The following ZSCAN25 variants were observed in gnomAD, a reference collection of about 807,000 sequenced individuals.
The protein encoded by ZSCAN25 is zinc finger and SCAN domain containing 25, also known as zinc finger and SCAN domain-containing protein 25.
In ZSCAN25, 27 loss-of-function variants were observed where a neutral mutation model predicts 38.7. That is an observed-to-expected ratio of 0.70 (90% CI 0.51 to 0.96). ZSCAN25 has a LOEUF of 0.96. Among genes scored for constraint, ZSCAN25 ranks in the 40% least tolerant of loss-of-function variants. The probability of loss-of-function intolerance (pLI) is 0.00; values close to 1 mark genes in which losing one functional copy is unlikely to be tolerated. For missense variants in ZSCAN25, 637 were observed against 705.9 expected (o/e 0.90, Z 1.11); for synonymous variants, 273 against 277.7 (o/e 0.98, Z 0.17).
chr7:99,688,732 C>A, the ZSCAN25 span, among the ~76,000 whole-genome samples: 1 of 152,060 alleles, frequency 6.6e-6, no homozygotes, highest in Non-Finnish European at 1.5e-5. Flanking sequence ...TTTTTCAGCA[C>A]CACACCTATT....
At chr7:99,722,876 T>C in the ZSCAN25 span, among the ~76,000 whole-genome samples, 1 of 152,178 alleles carries the variant, frequency 6.6e-6, no homozygotes, top group East Asian at 1.9e-4. Context: ...GTGAGGCATG[T>C]TTGTTGAGTG....
At chr7:99,647,281 C>T in the ZSCAN25 span, among the ~76,000 whole-genome samples, 6 of 152,224 alleles carry the variant, frequency 3.9e-5, no homozygotes, top group East Asian at 1.2e-3. Context: ...CCCCAGCACA[C>T]TTGGAATCTG....
At chr7:99,737,727 T>G in the ZSCAN25 span, among the ~76,000 whole-genome samples, 1 of 152,188 alleles carries the variant, frequency 6.6e-6, no homozygotes, top group Non-Finnish European at 1.5e-5. Context: ...CCTACAAACT[T>G]CAGGAGGTGG....
rs368080673 is a variant in ZSCAN25 at position 99,629,377 on chromosome 7, C to A, written c.992C>A (p.Ala331Asp). 1.9e-6 allele frequency: 3 copies of A among 1,614,100 alleles called. No homozygotes were observed. The African/African-American group carries it at 4.0e-5, about 22-fold the overall frequency. The change falls in exon 8 of 8, where the codon GCC (alanine) becomes GAC (aspartate). Residue 331 changes from alanine to aspartate, a missense_variant. Coordinates refer to ENST00000394152, the MANE Select transcript of ZSCAN25 (RefSeq NM_145115.3). This position sits in a 1 kb window ranked among gnomAD's most constrained non-coding sequence, Gnocchi z 5.6. The stretch of plus-strand genomic sequence containing the variant: ...GGGCTTCCTCCTCCCCAGCACGGTG[C>A]CATCCCCCTGCCTGACGAAGTCAAA... ...APGLPPPQHG[A>D]IPLPDEVKTH...
At chr7:99,701,896 G>A in the ZSCAN25 span, among the ~76,000 whole-genome samples, 30 of 151,126 alleles carry the variant, frequency 2.0e-4, no homozygotes, top group Admixed American at 1.6e-3. Flanking sequence ...TGTGGTTTGC[G>A]TCTTCACTTT....
At chr7:99,722,714 A>C in the ZSCAN25 span, among the ~76,000 whole-genome samples, 1 of 152,214 alleles carries the variant, frequency 6.6e-6, no homozygotes, top group Non-Finnish European at 1.5e-5. Flanking sequence ...GGCTGAGGGA[A>C]TGTGAGTGAG....
the ZSCAN25 span, chr7:99,665,453 C>A: frequency 7.9e-7 from 1 of 1,258,984 alleles, no homozygotes; most frequent in South Asian, 1.3e-5. Flanking sequence ...GAATCATCTT[C>A]CATCTACTCC....
the ZSCAN25 span, chr7:99,705,726 A>T: frequency 8.8e-7 from 1 of 1,131,658 alleles, no homozygotes; most frequent in Admixed American, 2.2e-5. Context: ...AGCACTATAA[A>T]TCTTGGATTC....
the ZSCAN25 span, chr7:99,674,608 A>G: frequency 6.2e-7 from 1 of 1,602,242 alleles, no homozygotes; most frequent in South Asian, 1.1e-5. Flanking sequence ...ACAAAATACA[A>G]GTTGATTATT....
Position 99,631,274 on chromosome 7 carries a change from C to T in ZSCAN25, c.*1254C>T. The T allele has an allele frequency of 1.0e-6, 1 of 985,380 alleles. No individual in the cohort carries two copies. The highest frequency in any genetic ancestry group is 1.2e-6 in the Non-Finnish European group (1 of 829,930). 61.0% of individuals were successfully genotyped at this position (985,380 alleles called of 1,614,324 possible). On this transcript the variant is annotated 3_prime_UTR_variant, in exon 8 of 8. Coordinates refer to ENST00000394152, the MANE Select transcript of ZSCAN25 (RefSeq NM_145115.3). ...TCCAAGGCACTAGGGGTCCTGGACACCCACTGGGGATGATGAGCTGGTAGC... is the reference window on the plus strand; with the variant it reads ...TCCAAGGCACTAGGGGTCCTGGACATCCACTGGGGATGATGAGCTGGTAGC...
At chr7:99,699,484 C>A in the ZSCAN25 span, among the ~76,000 whole-genome samples, 1 of 151,974 alleles carries the variant, frequency 6.6e-6, no homozygotes, top group African/African-American at 2.4e-5. Context: ...CAGGAACCAC[C>A]AGGTCCACAG....
chr7:99,669,935 GA>G, the ZSCAN25 span, among the ~76,000 whole-genome samples: 2 of 152,142 alleles, frequency 1.3e-5, no homozygotes, highest in Non-Finnish European at 2.9e-5. Context: ...CACATTTGAT[GA>G]AGTATTATTG....
the ZSCAN25 span, among the ~76,000 whole-genome samples, chr7:99,723,058 G>A: frequency 6.6e-6 from 1 of 152,040 alleles, no homozygotes; most frequent in Non-Finnish European, 1.5e-5. Flanking sequence ...CTACATTTCA[G>A]GGGTGAAGTT....
downstream of ZSCAN25, among the ~76,000 whole-genome samples, chr7:99,634,433 CA>C (rs1379988161): frequency 6.6e-6 from 1 of 152,132 alleles, no homozygotes; most frequent in Non-Finnish European, 1.5e-5. Flanking sequence ...GCGGGCGGAT[CA>C]CCTGAAGCCA....
the ZSCAN25 span, chr7:99,735,253 T>A: frequency 1.0e-6 from 1 of 1,003,266 alleles, no homozygotes; most frequent in African/African-American, 1.6e-5. Flanking sequence ...GGGCTGGAGC[T>A]GCAGCCAGTA....
At chr7:99,716,749 A>G in the ZSCAN25 span, among the ~76,000 whole-genome samples, 3 of 152,178 alleles carry the variant, frequency 2.0e-5, no homozygotes, top group Admixed American at 6.5e-5. Flanking sequence ...ACCCTCAGAA[A>G]AAAAACATGA....
At chr7:99,698,561 TA>T in the ZSCAN25 span, among the ~76,000 whole-genome samples, 1 of 152,150 alleles carries the variant, frequency 6.6e-6, no homozygotes, top group African/African-American at 2.4e-5. Context: ...GGTATTAAAA[TA>T]AACTGTCAGG....
At chr7:99,677,412 G>C in the ZSCAN25 span, among the ~76,000 whole-genome samples, 1 of 152,228 alleles carries the variant, frequency 6.6e-6, no homozygotes, top group African/African-American at 2.4e-5. Flanking sequence ...AAAAGACACA[G>C]AGGGACCTTC....
chr7:99,680,468 C>G, the ZSCAN25 span, among the ~76,000 whole-genome samples: 2 of 152,202 alleles, frequency 1.3e-5, no homozygotes, highest in Admixed American at 1.3e-4. Flanking sequence ...CCCCCTCACA[C>G]AGTCCTATTG....
Sources: gnomAD v4.1 joint callset for allele counts (sites outside exome capture counted in the v4.1 genomes callset) on GRCh38, gnomAD v4.1.1 for gene constraint, Gnocchi (gnomAD v3.1) non-coding constraint, MANE v1.5 for transcripts, NCBI Gene and HGNC (gene_info 2026-07-23, HGNC 2026-07-21) for gene names.